POLR3A: variants seen among roughly 807,000 people sequenced by gnomAD.
The protein encoded by POLR3A is RNA polymerase III subunit A.
Under a neutral mutation model 152.8 loss-of-function variants are expected in POLR3A, and 112 were observed. The observed-to-expected ratio is 0.73, with a 90% CI of 0.63 to 0.86. The LOEUF is 0.86. Ranked by LOEUF, POLR3A falls within the 40% of genes least tolerant of loss-of-function variation. The pLI, the probability that POLR3A is intolerant of heterozygous loss-of-function variation, is 0.00. For synonymous variants in POLR3A, 615 were observed against 652.1 expected (o/e 0.94, Z 0.87); for missense variants, 1,385 against 1,743.1 (o/e 0.79, Z 3.66).
Position 78,011,407 on chromosome 10 carries a change from C to CTG in POLR3A, c.1573-869_1573-868dup, listed in dbSNP as rs558918361. On this transcript the variant is annotated intron_variant, in intron 11 of 30. Transcript: ENST00000372371. ...ATAATTAAGTCATGTAAAGAAGGCT[C>CTG]TGTGTGTATGAGAGTACATTTGCTC... Among the ~76,000 whole-genome samples, 970 of 152,276 alleles carry CTG rather than the reference C, an allele frequency of 6.4e-3. 4 individuals carry two copies. Among genetic ancestry groups the CTG allele is most frequent in the African/African-American group, 0.022 (914 of 41,558 alleles).
intron 20 of POLR3A, among the ~76,000 whole-genome samples, chr10:77,991,642 C>A (rs984579148): frequency 3.9e-5 from 6 of 152,158 alleles, no homozygotes; most frequent in South Asian, 2.1e-4. Context: ...CTTGCCTCAG[C>A]CTCCCGAGTA....
In POLR3A at chr10:77,985,946, G is replaced by C. The variant is rs765512254; in HGVS notation, c.3028C>G (p.Gln1010Glu). 6 of 1,614,020 alleles carry C rather than the reference G, an allele frequency of 3.7e-6. No homozygotes were observed. The highest frequency in any genetic ancestry group is 2.2e-5 in the South Asian group (2 of 91,084). Reference protein sequence around the residue: ...LYQLDRITPTQVEKFLETCRD... With the variant: ...LYQLDRITPTEVEKFLETCRD... The stretch of plus-strand genomic sequence containing the variant: ...CAGGTCTCCAGAAACTTTTCTACTT[G>C]GGTGGGGGTGATGCGGTCCAGCTGG... The change falls in exon 23 of 31, where the codon CAA becomes GAA. Residue 1010 changes from glutamine (Q) to glutamate (E), a missense_variant. Coordinates refer to ENST00000372371, the MANE Select transcript of POLR3A (RefSeq NM_007055.4).
chr10:78,005,188 A>T (rs770627304), intron 15 of POLR3A, among the ~76,000 whole-genome samples: 1 of 152,238 alleles, frequency 6.6e-6, no homozygotes, highest in Non-Finnish European at 1.5e-5. Flanking sequence ...AAGCAGAGTG[A>T]CATTAAACAC....
At position 78,022,301 on chromosome 10, in the gene POLR3A, T is replaced by G. The variant is rs754056649; in HGVS notation, c.729A>C (p.Glu243Asp). The stretch of plus-strand genomic sequence containing the variant: ...GAATCAAATCAGACGGCTTTCCGGC[T>G]TCTGGGTTCATCAGAAGTAGAGGAA... ...EDVPLLLMNP[E>D]AGKPSDLILT... Residue 243 changes from glutamate to aspartate, a missense_variant, in exon 6 of 31, where the codon GAA becomes GAC. Physicochemically the swap from Glu to Asp is conservative, Grantham distance 45 (BLOSUM62 2). Coordinates refer to ENST00000372371, the MANE Select transcript of POLR3A (RefSeq NM_007055.4). 1 of 1,614,074 alleles carries G rather than the reference T, an allele frequency of 6.2e-7. No individual in the cohort carries two copies. Among genetic ancestry groups the G allele is most frequent in the Non-Finnish European group, 8.5e-7 (1 of 1,180,040 alleles).
At position 77,977,488 on chromosome 10, in the gene POLR3A, A is replaced by G. The variant is rs778398129; in HGVS notation, c.4163T>C (p.Leu1388Pro). ...IFDTNEFHIP[L>P]VT is the part of the protein sequence containing the mutation. ...CCCTCTTTCTTTGGACTATGTGACA[A>G]GGGGGATGTGGAATTCATTTGTGTC... The change falls in exon 31 of 31, where the codon CTT becomes CCT. Residue 1388 changes from leucine (L) to proline (P), a missense_variant. Physicochemically the swap from Leu to Pro is moderately conservative, Grantham distance 98. Coordinates refer to ENST00000372371, the MANE Select transcript of POLR3A (RefSeq NM_007055.4). 1.2e-6 allele frequency: 2 copies of G among 1,614,060 alleles called. No individual in the cohort carries two copies. Among genetic ancestry groups the G allele is most frequent in the Non-Finnish European group, 1.7e-6 (2 of 1,179,972 alleles).
chr10:78,007,770 C>A lies in POLR3A; in HGVS notation c.2006G>T (p.Arg669Leu). ...SKNNIFYILLRDWGQNEAADA... is the reference protein window; with the variant it reads ...SKNNIFYILLLDWGQNEAADA... Reference sequence around the variant, plus strand: ...TGCAGCTTCATTCTGTCCCCAGTCTCGCAGCAAAATGTAAAAAATATTGTT... The same window carrying A: ...TGCAGCTTCATTCTGTCCCCAGTCTAGCAGCAAAATGTAAAAAATATTGTT... Residue 669 changes from arginine (R) to leucine (L), a missense_variant, in exon 15 of 31, where the codon CGA becomes CTA. Around this residue, in one of 7 missense-constraint regions of POLR3A, gnomAD observed 188 missense variants for 179.9 expected, o/e 1.04. Coordinates refer to ENST00000372371, the MANE Select transcript of POLR3A (RefSeq NM_007055.4). The A allele has an allele frequency of 1.9e-6, 3 of 1,614,074 alleles. No homozygotes were observed. The highest frequency in any genetic ancestry group is 2.5e-6 in the Non-Finnish European group (3 of 1,179,958).
chr10:78,017,190 G>A (rs1439429043), intron 10 of POLR3A, among the ~76,000 whole-genome samples: 1 of 151,356 alleles, frequency 6.6e-6, no homozygotes, highest in Non-Finnish European at 1.5e-5. Flanking sequence ...AACTTTGGGA[G>A]GCTGAAGGAG....
In POLR3A at chr10:78,025,009, C is replaced by T. The variant is rs761059260; in HGVS notation, c.452G>A (p.Arg151Gln). ...GLKKKISDKC[R>Q]KKNICHHCGA... ...ACAGTGATGGCAGATGTTTTTCTTC[C>T]GGCACTTGTCAGAGATTTTCTTTTT... The change falls in exon 4 of 31, where the codon CGG becomes CAG. Residue 151 changes from arginine to glutamine, a missense_variant. Arg to Gln is a conservative substitution (Grantham distance 43). Around this residue, in one of 7 missense-constraint regions of POLR3A, gnomAD observed 493 missense variants for 647.5 expected, o/e 0.76. Coordinates refer to ENST00000372371, the MANE Select transcript of POLR3A (RefSeq NM_007055.4). The T allele has an allele frequency of 6.1e-5, 99 of 1,614,122 alleles. No homozygotes were observed. Among genetic ancestry groups the T allele is most frequent in the East Asian group, 3.6e-4 (16 of 44,878 alleles).
rs2131964272 is a variant in POLR3A at position 78,029,436 on chromosome 10, C to T, written c.-29G>A. On this transcript the variant is annotated 5_prime_UTR_variant, in exon 1 of 31. Transcript: ENST00000372371. ...GACCGCTGCCGGGACGCCTCCTTGGCACTCGGGAGGCCAGATTAGAGAAAC... is the reference window on the plus strand; with the variant it reads ...GACCGCTGCCGGGACGCCTCCTTGGTACTCGGGAGGCCAGATTAGAGAAAC... The T allele has an allele frequency of 1.9e-6, 3 of 1,613,340 alleles. No homozygotes were observed. The highest frequency in any genetic ancestry group is 2.2e-5 in the East Asian group (1 of 44,854).
chr10:78,013,627 C>T (rs370041205), intron 11 of POLR3A, 23 bp downstream of exon 11: 29 of 1,613,378 alleles, frequency 1.8e-5, no homozygotes, highest in Non-Finnish European at 1.9e-5. Context: ...TATGCAAAAG[C>T]TGGGCTGTGC....
chr10:77,997,214 G>A (rs934058501), intron 19 of POLR3A, among the ~76,000 whole-genome samples: 1 of 152,060 alleles, frequency 6.6e-6, no homozygotes, highest in Non-Finnish European at 1.5e-5. Flanking sequence ...CATATTGAAT[G>A]GGCAAAAACT....
At chr10:78,025,479 TG>T (rs1482674719) in intron 3 of POLR3A, 142 bp downstream of exon 3, 1 of 801,724 alleles carries the variant, frequency 1.2e-6, no homozygotes, top group African/African-American at 1.7e-5. Flanking sequence ...TTTAACGTAG[TG>T]TGAGATGAAA....
At chr10:78,017,214 C>T (rs1847533044) in intron 10 of POLR3A, among the ~76,000 whole-genome samples, 1 of 151,804 alleles carries the variant, frequency 6.6e-6, no homozygotes, top group Non-Finnish European at 1.5e-5. Context: ...CGCTTGAGCC[C>T]AAGAGTTCCA....
rs570112305 is a variant in POLR3A at position 77,996,110 on chromosome 10, C to A, written c.2617-2743G>T. ...CAGAAATAAAGATGTTCTTTGAAAC[C>A]AACGAGAACAAAGACACAACATACC... On this transcript the variant is annotated intron_variant, in intron 19 of 30. Coordinates refer to ENST00000372371, the MANE Select transcript of POLR3A (RefSeq NM_007055.4). Among the ~76,000 whole-genome samples, 573 of 151,862 alleles carry A rather than the reference C, an allele frequency of 3.8e-3. 3 individuals carry two copies. The highest frequency in any genetic ancestry group is 0.013 in the African/African-American group (546 of 41,420).
chr10:77,986,607 T>C (rs570448306), intron 21 of POLR3A, among the ~76,000 whole-genome samples: 3 of 152,252 alleles, frequency 2.0e-5, no homozygotes, highest in Non-Finnish European at 4.4e-5. Flanking sequence ...AACTAAAGCA[T>C]AGCTTTGTTG....
chr10:78,017,562 C>T lies in POLR3A; in HGVS notation c.1431+13G>A. ...TCTACGTGATGGAAAATTTAAAAAG[C>T]AGTGCTACTCACCAGATGAGCCATA... On this transcript the variant is annotated intron_variant, in intron 10 of 30. Coordinates refer to ENST00000372371, the MANE Select transcript of POLR3A (RefSeq NM_007055.4). 2 of 1,613,862 alleles carry T rather than the reference C, an allele frequency of 1.2e-6. No homozygotes were observed. Among genetic ancestry groups the T allele is most frequent in the Non-Finnish European group, 1.7e-6 (2 of 1,179,758 alleles).
intron 19 of POLR3A, among the ~76,000 whole-genome samples, chr10:77,993,660 T>C (rs1847270655): frequency 6.6e-6 from 1 of 152,236 alleles, no homozygotes; most frequent in Non-Finnish European, 1.5e-5. Flanking sequence ...ACTGCTGTTT[T>C]CCTAGGCTGT....
chr10:77,992,185 C>G (rs1338727195), intron 20 of POLR3A, among the ~76,000 whole-genome samples: 1 of 152,154 alleles, frequency 6.6e-6, no homozygotes, highest in African/African-American at 2.4e-5. Context: ...CTCTACTTGA[C>G]ACAGAGCGAA....
In POLR3A at chr10:77,980,258, T is replaced by C; in HGVS notation, c.3907A>G (p.Ile1303Val). 6.2e-7 allele frequency: 1 copy of C among 1,613,998 alleles called. No homozygotes were observed. The highest frequency in any genetic ancestry group is 8.5e-7 in the Non-Finnish European group (1 of 1,179,932). Residue 1303 changes from isoleucine (I) to valine (V), a missense_variant, in exon 30 of 31, where the codon ATC (isoleucine) becomes GTC (valine). By Grantham distance (29) the Ile-to-Val change is conservative. Transcript: ENST00000372371. ...LMTYKGEVLGITRFGLAKMKE... is the reference protein window; with the variant it reads ...LMTYKGEVLGVTRFGLAKMKE... The stretch of plus-strand genomic sequence containing the variant: ...ATCTTGGCCAGGCCAAACCTAGTGA[T>C]GCCCAGGACTTCACCCTGCGTCAAG...
Sources: allele counts gnomAD v4.1 joint callset (sites outside exome capture counted in the v4.1 genomes callset), GRCh38; gene constraint gnomAD v4.1.1; regional missense constraint gnomAD v4.1.1; transcripts MANE v1.5; gene names NCBI Gene and HGNC (gene_info 2026-07-23, HGNC 2026-07-21).